The following ZNF438 variants were observed in gnomAD, a reference collection of about 807,000 sequenced individuals.
The protein encoded by ZNF438 is zinc finger protein 438.
ZNF438 carries 25 observed loss-of-function variants against 38.0 expected under a neutral mutation model. That is an observed-to-expected ratio of 0.66 (90% CI 0.48 to 0.92). The LOEUF (loss-of-function observed/expected upper bound fraction) is 0.92, where lower values mean the gene tolerates loss of function less well. Ranked by LOEUF, ZNF438 falls within the 40% of genes least tolerant of loss-of-function variation. The pLI is 0.00. For missense variants in ZNF438, 1,007 were observed against 999.6 expected, an observed-to-expected ratio of 1.01 and a Z score of -0.10; for synonymous variants, 372 against 364.1, an observed-to-expected ratio of 1.02 and a Z score of -0.25.
chr10:31,029,962 C>CT (rs2057179162), intron 1 of ZNF438, among the ~76,000 whole-genome samples: 1 of 152,222 alleles, frequency 6.6e-6, no homozygotes, highest in South Asian at 2.1e-4. Flanking sequence ...CAAATAGTCT[C>CT]TACCACGTTT....
At chr10:30,902,213 T>A (rs1463346771) in intron 3 of ZNF438, among the ~76,000 whole-genome samples, 3 of 152,190 alleles carry the variant, frequency 2.0e-5, no homozygotes, top group Non-Finnish European at 4.4e-5. Context: ...TGGTCCATTT[T>A]ACAGAGAGCT....
At chr10:30,950,667 T>C (rs1207307825) in intron 1 of ZNF438, among the ~76,000 whole-genome samples, 3 of 147,070 alleles carry the variant, frequency 2.0e-5, no homozygotes, top group Admixed American at 6.8e-5. Context: ...ATAAATTCCT[T>C]GACACATACA....
At chr10:30,966,442 G>A (rs1344085250) in intron 1 of ZNF438, among the ~76,000 whole-genome samples, 1 of 152,054 alleles carries the variant, frequency 6.6e-6, no homozygotes. Context: ...AGGCCGAGGC[G>A]GGTGGATCAT....
intron 4 of ZNF438, among the ~76,000 whole-genome samples, chr10:30,851,398 A>G (rs1382909480): frequency 6.6e-6 from 1 of 152,248 alleles, no homozygotes; most frequent in East Asian, 1.9e-4. Flanking sequence ...AATGTTTCTA[A>G]TTTCTAAGTA....
intron 3 of ZNF438, among the ~76,000 whole-genome samples, chr10:30,905,292 A>G (rs183437057): frequency 6.6e-6 from 1 of 152,222 alleles, no homozygotes; most frequent in Non-Finnish European, 1.5e-5. Context: ...GTTTTTGTCC[A>G]TATTTAAATT....
chr10:30,921,139 A>G (rs1476096168), intron 2 of ZNF438: 1 of 152,200 alleles, frequency 6.6e-6, no homozygotes, highest in East Asian at 1.9e-4. Context: ...TCAATGAACT[A>G]ACCTTTGGAG....
intron 1 of ZNF438, among the ~76,000 whole-genome samples, chr10:31,029,270 T>C (rs1341562991): frequency 6.6e-6 from 1 of 152,194 alleles, no homozygotes; most frequent in African/African-American, 2.4e-5. Flanking sequence ...ATTAAATGAA[T>C]TAATATAGGT....
At chr10:30,903,165 C>T (rs937623349) in intron 3 of ZNF438, among the ~76,000 whole-genome samples, 5 of 152,192 alleles carry the variant, frequency 3.3e-5, no homozygotes, top group Non-Finnish European at 2.9e-5. Context: ...AGCCCCGGTT[C>T]TGCCCGTGCC....
chr10:30,857,546 C>G lies in ZNF438; in HGVS notation c.38-7179G>C. 4 of 663,988 alleles carry G rather than the reference C, an allele frequency of 6.0e-6. No homozygotes were observed. The Admixed American group carries it at 1.1e-4, about 18-fold the overall frequency. The allele number at this position is 663,988 out of a possible 1,614,324, so 41.1% of individuals were successfully genotyped here. A position where few individuals can be genotyped will look rare whatever the true frequency, so the allele number is the denominator to read the frequency against. Reference sequence around the variant, plus strand: ...TTGGGATTACAGGTATGAGCCACCCCATCTGGCCTAAAATTTCTATTACCA... The same window carrying G: ...TTGGGATTACAGGTATGAGCCACCCGATCTGGCCTAAAATTTCTATTACCA... On this transcript the variant is annotated intron_variant, in intron 4 of 5. Coordinates refer to ENST00000413025, the Ensembl canonical transcript of ZNF438.
intron 1 of ZNF438, among the ~76,000 whole-genome samples, chr10:30,968,641 C>T (rs978020927): frequency 6.6e-6 from 1 of 151,856 alleles, no homozygotes; most frequent in African/African-American, 2.4e-5. Context: ...TGGGGTTTCT[C>T]CATGTTGGTC....
At chr10:31,024,802 A>C (rs769318658) in intron 1 of ZNF438, among the ~76,000 whole-genome samples, 58 of 152,342 alleles carry the variant, frequency 3.8e-4, no homozygotes, top group South Asian at 6.2e-4. Flanking sequence ...AATGAAAATT[A>C]ATGTGAAAAG....
At chr10:30,969,487 C>T (rs768837713) in intron 1 of ZNF438, among the ~76,000 whole-genome samples, 2 of 152,188 alleles carry the variant, frequency 1.3e-5, no homozygotes, top group Non-Finnish European at 2.9e-5. Flanking sequence ...GGTGCTCATT[C>T]TTTCCATGAA....
chr10:30,935,526 C>A (rs1373792591), intron 2 of ZNF438, among the ~76,000 whole-genome samples: 1 of 152,172 alleles, frequency 6.6e-6, no homozygotes, highest in Non-Finnish European at 1.5e-5. Flanking sequence ...CCAAGACATT[C>A]ATGAGGGATC....
rs367674341 is a variant in ZNF438 at position 31,014,215 on chromosome 10, C to T, written c.-192+17618G>A. ...AATCATGTCATGTCACAGTTAGGAG[C>T]ATAGGCTTTGTCTTTGTCTGAGCTA... On this transcript the variant is annotated intron_variant, in intron 1 of 5. Coordinates refer to ENST00000413025, the Ensembl canonical transcript of ZNF438. Among the ~76,000 whole-genome samples, 3 of 152,292 alleles carry T rather than the reference C, an allele frequency of 2.0e-5. No homozygotes were observed. The South Asian group carries it at 6.2e-4, about 32-fold the overall frequency.
At chr10:31,016,833 T>C (rs138637922) in intron 1 of ZNF438, among the ~76,000 whole-genome samples, 235 of 152,338 alleles carry the variant, frequency 1.5e-3, no homozygotes, top group African/African-American at 5.4e-3. Flanking sequence ...GTTATGTGCC[T>C]AGCTAAATAC....
intron 1 of ZNF438, among the ~76,000 whole-genome samples, chr10:30,985,607 A>T (rs1216825341): frequency 6.6e-6 from 1 of 152,256 alleles, no homozygotes; most frequent in Admixed American, 6.5e-5. Context: ...TCTGTAGAAT[A>T]TGAAACACTT....
intron 1 of ZNF438, among the ~76,000 whole-genome samples, chr10:30,990,625 C>A (rs147932175): frequency 1.3e-5 from 2 of 152,314 alleles, no homozygotes; most frequent in African/African-American, 4.8e-5. Flanking sequence ...AAATCTGAGT[C>A]TGATCCAGTT....
chr10:30,878,475 A>C (rs2038775907), intron 3 of ZNF438, among the ~76,000 whole-genome samples: 1 of 152,044 alleles, frequency 6.6e-6, no homozygotes, highest in Non-Finnish European at 1.5e-5. Context: ...TCCATCGCTA[A>C]ATAAAATTAT....
intron 1 of ZNF438, among the ~76,000 whole-genome samples, chr10:30,972,127 G>T (rs1219174328): frequency 7.8e-6 from 1 of 128,550 alleles, no homozygotes; most frequent in African/African-American, 2.8e-5. Flanking sequence ...CCACCACCAC[G>T]CCTGGCTAAT....
Sources: allele counts gnomAD v4.1 joint callset (sites outside exome capture counted in the v4.1 genomes callset), GRCh38; gene constraint gnomAD v4.1.1; transcripts MANE v1.5; gene names NCBI Gene and HGNC (gene_info 2026-07-23, HGNC 2026-07-21).